CNTN5: variants seen among roughly 807,000 people sequenced by gnomAD.
The protein encoded by CNTN5 is contactin 5, also known as contactin-5.
CNTN5 carries 77 observed loss-of-function variants against 129.1 expected under a neutral mutation model. The observed-to-expected ratio is 0.60, with a 90% CI of 0.50 to 0.72. CNTN5 has a LOEUF of 0.72. CNTN5 is among the 30% of genes least tolerant of loss of function. CNTN5 has a pLI of 0.00. For missense variants in CNTN5, 1,478 were observed against 1,328.8 expected (o/e 1.11, Z -1.75); for synonymous variants, 509 against 465.6 (o/e 1.09, Z -1.20).
At chr11:99,830,888 C>T (rs574682600) in intron 4 of CNTN5, among the ~76,000 whole-genome samples, 16 of 152,224 alleles carry the variant, frequency 1.1e-4, no homozygotes, top group Non-Finnish European at 1.9e-4. Flanking sequence ...GGGAGCTTAA[C>T]AAATATTAAA....
chr11:100,065,225 C>T (rs997405515), intron 10 of CNTN5, among the ~76,000 whole-genome samples: 13 of 152,192 alleles, frequency 8.5e-5, no homozygotes, highest in East Asian at 5.8e-4. Flanking sequence ...ACAGTATCCT[C>T]ACAAATGTTA....
At chr11:99,499,952 T>C (rs549291287) in intron 2 of CNTN5, among the ~76,000 whole-genome samples, 2 of 152,284 alleles carry the variant, frequency 1.3e-5, no homozygotes, top group South Asian at 4.1e-4. Context: ...TTATGACTAC[T>C]ATTCTGTATC....
intron 2 of CNTN5, among the ~76,000 whole-genome samples, chr11:99,376,605 C>A (rs942104400): frequency 2.6e-5 from 4 of 152,306 alleles, no homozygotes; most frequent in Non-Finnish European, 2.9e-5. Flanking sequence ...CAGGGATTAT[C>A]TGCCCATGTT....
chr11:99,253,842 A>G (rs1862237972), intron 1 of CNTN5, among the ~76,000 whole-genome samples: 1 of 150,054 alleles, frequency 6.7e-6, no homozygotes, highest in Non-Finnish European at 1.5e-5. Context: ...ATAATAGTTT[A>G]TCTATGGATC....
chr11:99,819,930 T>G (rs1946744123), intron 4 of CNTN5, among the ~76,000 whole-genome samples, 165 bp downstream of exon 4: 3 of 152,198 alleles, frequency 2.0e-5, no homozygotes, highest in Admixed American at 2.0e-4. Flanking sequence ...GGTGAGCTAG[T>G]AGAAAACTGG....
intron 1 of CNTN5, among the ~76,000 whole-genome samples, chr11:99,026,048 G>A (rs1863094655): frequency 6.6e-6 from 1 of 151,534 alleles, no homozygotes; most frequent in Admixed American, 6.6e-5. Flanking sequence ...CAAAATCCCT[G>A]ATGATTAAAA....
Position 99,314,866 on chromosome 11 carries a change from A to C in CNTN5, c.-209-10480A>C, listed in dbSNP as rs184405437. On this transcript the variant is annotated intron_variant, in intron 1 of 24. Coordinates refer to ENST00000524871, the MANE Select transcript of CNTN5 (RefSeq NM_014361.4). ...GATATAGTGGGAAGATAAAGAAGAAAGTAGCTTCAGAGAAGAGAATATTTG... is the reference window on the plus strand; with the variant it reads ...GATATAGTGGGAAGATAAAGAAGAACGTAGCTTCAGAGAAGAGAATATTTG... 1.1e-3 allele frequency among the ~76,000 whole-genome samples: 169 copies of C among 148,350 alleles called. 5 individuals are homozygous for C. Among genetic ancestry groups the C allele is most frequent in the African/African-American group, 3.8e-3 (154 of 40,876 alleles).
At chr11:99,761,057 G>C (rs1460815913) in intron 3 of CNTN5, among the ~76,000 whole-genome samples, 2 of 152,234 alleles carry the variant, frequency 1.3e-5, no homozygotes, top group East Asian at 3.9e-4. Context: ...TGAAAGATAA[G>C]TTAAAAATGG....
rs947622828 is a variant in CNTN5 at position 99,237,249 on chromosome 11, T to C, written c.-209-88097T>C. 2.6e-5 allele frequency among the ~76,000 whole-genome samples: 4 copies of C among 152,170 alleles called. No individual in the cohort carries two copies. In the East Asian group the frequency reaches 7.7e-4, roughly 29 times the overall value. ...CATGATTAAAATTGCCTTCATTTTG[T>C]GTAATAATCTTCAGTATGTTAACAC... On this transcript the variant is annotated intron_variant, in intron 1 of 24. Coordinates refer to ENST00000524871, the MANE Select transcript of CNTN5 (RefSeq NM_014361.4).
At chr11:100,352,102 T>A (rs1009329978) in intron 24 of CNTN5, among the ~76,000 whole-genome samples, 10 of 151,672 alleles carry the variant, frequency 6.6e-5, no homozygotes, top group African/African-American at 2.4e-4. Flanking sequence ...GTTGTTCAGA[T>A]TATTTCATCA....
chr11:99,367,522 A>T (rs1487126430), intron 2 of CNTN5, among the ~76,000 whole-genome samples: 1 of 152,108 alleles, frequency 6.6e-6, no homozygotes, highest in East Asian at 1.9e-4. Flanking sequence ...TATGGGATGC[A>T]ATTTAGCATA....
In CNTN5 at chr11:100,035,656, C is replaced by T. The variant is rs1238343204; in HGVS notation, c.981-25556C>T. ...TGTTGTTTCCTGACTTTTTAATGAT[C>T]GCCATTCTAACTGGTGTGAGATGGT... On this transcript the variant is annotated intron_variant, in intron 9 of 24. Coordinates refer to ENST00000524871, the MANE Select transcript of CNTN5 (RefSeq NM_014361.4). Among the ~76,000 whole-genome samples, 264 of 141,980 alleles carry T rather than the reference C, an allele frequency of 1.9e-3. 1 individual carries two copies. The highest frequency in any genetic ancestry group is 4.2e-3 in the African/African-American group (155 of 37,298). 93.1% of individuals were successfully genotyped at this position (141,980 alleles called of 152,430 possible).
In CNTN5 at chr11:99,187,180, T is replaced by C. The variant is rs566205963; in HGVS notation, c.-209-138166T>C. 7.9e-5 allele frequency among the ~76,000 whole-genome samples: 12 copies of C among 151,800 alleles called. No homozygotes were observed. In the South Asian group the frequency reaches 2.5e-3, roughly 32 times the overall value. On this transcript the variant is annotated intron_variant, in intron 1 of 24. Coordinates refer to ENST00000524871, the MANE Select transcript of CNTN5 (RefSeq NM_014361.4). Reference sequence around the variant, plus strand: ...CATTCTATAGAGAGGCACTGGTCAGTAAGAAACAAAGAAGCAGCAGACAAC... The same window carrying C: ...CATTCTATAGAGAGGCACTGGTCAGCAAGAAACAAAGAAGCAGCAGACAAC...
At chr11:99,085,049 A>AT (rs201796837) in intron 1 of CNTN5, among the ~76,000 whole-genome samples, 7,962 of 146,860 alleles carry the variant, frequency 0.054, 762 homozygotes, top group East Asian at 0.38. Flanking sequence ...CTAGTAACCA[A>AT]TTTTTTTTTT....
At chr11:99,644,422 A>G (rs1951875919) in intron 3 of CNTN5, among the ~76,000 whole-genome samples, 1 of 152,200 alleles carries the variant, frequency 6.6e-6, no homozygotes, top group African/African-American at 2.4e-5. Flanking sequence ...ATTTAGCTCT[A>G]TATCACTTCA....
intron 3 of CNTN5, among the ~76,000 whole-genome samples, chr11:99,590,553 G>A (rs182468009): frequency 6.6e-6 from 1 of 152,238 alleles, no homozygotes; most frequent in African/African-American, 2.4e-5. Flanking sequence ...GTCATTGAAT[G>A]TAAATCTGGA....
intron 2 of CNTN5, among the ~76,000 whole-genome samples, chr11:99,391,207 A>G: frequency 6.6e-6 from 1 of 152,146 alleles, no homozygotes; most frequent in East Asian, 1.9e-4. Context: ...TGGTTTTTTA[A>G]AAGCCTTACT....
At chr11:99,796,688 A>G (rs543761363) in intron 3 of CNTN5, among the ~76,000 whole-genome samples, 10 of 152,090 alleles carry the variant, frequency 6.6e-5, no homozygotes, top group South Asian at 2.1e-4. Context: ...GGCAGGATCA[A>G]TCTGCTCTTT....
chr11:99,877,240 TA>T (rs1948657283), intron 6 of CNTN5, among the ~76,000 whole-genome samples: 1 of 152,220 alleles, frequency 6.6e-6, no homozygotes, highest in Non-Finnish European at 1.5e-5. Flanking sequence ...GCTCCAGTTT[TA>T]TGAAACCCCG....
Sources: gnomAD v4.1 joint callset for allele counts (sites outside exome capture counted in the v4.1 genomes callset) on GRCh38, gnomAD v4.1.1 for gene constraint, MANE v1.5 for transcripts, NCBI Gene and HGNC (gene_info 2026-07-23, HGNC 2026-07-21) for gene names.